The following SPART variants were observed in gnomAD, a reference collection of about 807,000 sequenced individuals.
SPART encodes the protein spastic paraplegia 20 (Troyer syndrome).
In SPART, 35 loss-of-function variants were observed where a neutral mutation model predicts 58.7. The observed-to-expected ratio is 0.60, with a 90% CI of 0.46 to 0.79. The LOEUF is 0.79. Among genes scored for constraint, SPART ranks in the 30% least tolerant of loss-of-function variants. The pLI is 0.00. For missense variants in SPART, 730 were observed against 786.1 expected, an observed-to-expected ratio of 0.93 and a Z score of 0.85; for synonymous variants, 284 against 280.7, an observed-to-expected ratio of 1.01 and a Z score of -0.12.
intron 5 of SPART, among the ~76,000 whole-genome samples, chr13:36,316,245 T>C (rs777654621): frequency 3.2e-4 from 49 of 152,196 alleles, no homozygotes; most frequent in Non-Finnish European, 6.3e-4. Context: ...TTTACTGAAC[T>C]AAAGAAAGCT....
chr13:36,303,729 T>C lies in SPART; in HGVS notation c.*636A>G, dbSNP rs1352038503. ...AGTCTCAATACAAAAGACGTAATAA[T>C]CTATTTTTATTTATTTTAAATCAAA... On this transcript the variant is annotated 3_prime_UTR_variant, in exon 9 of 9. Transcript: ENST00000438666. 1 of 153,148 alleles carries C rather than the reference T, an allele frequency of 6.5e-6. No homozygotes were observed. Among genetic ancestry groups the C allele is most frequent in the African/African-American group, 2.4e-5 (1 of 41,458 alleles). 9.5% of individuals were successfully genotyped at this position (153,148 alleles called of 1,614,324 possible).
In SPART at chr13:36,314,301, C is replaced by T. The variant is rs370905450; in HGVS notation, c.1409G>A (p.Ser470Asn). Reference sequence around the variant, plus strand: ...ATAAAGTCCCTTGGTGACAGCTGGACTAACTTCCACGGGTTTTTCTTCTGG... The same window carrying T: ...ATAAAGTCCCTTGGTGACAGCTGGATTAACTTCCACGGGTTTTTCTTCTGG... ...IQPEEKPVEV[S>N]PAVTKGLYIA... The change falls in exon 6 of 9, where the codon AGT becomes AAT. Residue 470 changes from serine (S) to asparagine (N), a missense_variant. Coordinates refer to ENST00000438666, the MANE Select transcript of SPART (RefSeq NM_015087.5). 1 of 1,614,042 alleles carries T rather than the reference C, an allele frequency of 6.2e-7. No individual in the cohort carries two copies. Among genetic ancestry groups the T allele is most frequent in the African/African-American group, 1.3e-5 (1 of 74,934 alleles).
At chr13:36,310,582 C>T (rs1487097156) in intron 8 of SPART, among the ~76,000 whole-genome samples, 3 of 152,166 alleles carry the variant, frequency 2.0e-5, no homozygotes, top group African/African-American at 7.2e-5. Flanking sequence ...AAACTTCTCT[C>T]TCCCCCATGC....
At chr13:36,368,789 C>A (rs1886165636) in intron 1 of SPART, among the ~76,000 whole-genome samples, 1 of 152,060 alleles carries the variant, frequency 6.6e-6, no homozygotes, top group Non-Finnish European at 1.5e-5. Context: ...TGTTCATGAT[C>A]TGGAGATCGA....
At chr13:36,322,183 C>CGT (rs1384088758) in intron 5 of SPART, among the ~76,000 whole-genome samples, 6 of 152,240 alleles carry the variant, frequency 3.9e-5, no homozygotes, top group Admixed American at 3.3e-4. Context: ...TTCACACGGA[C>CGT]GTGCATGAAA....
chr13:36,320,383 A>G (rs940048043), intron 5 of SPART, among the ~76,000 whole-genome samples: 16 of 151,672 alleles, frequency 1.1e-4, no homozygotes, highest in South Asian at 2.1e-4. Context: ...CATTTCCCCA[A>G]ATTTCCTTCT....
At position 36,312,560 on chromosome 13, in the gene SPART, A is replaced by G. The variant is rs1188779571; in HGVS notation, c.1484-83T>C. On this transcript the variant is annotated intron_variant, in intron 6 of 8. Coordinates refer to ENST00000438666, the MANE Select transcript of SPART (RefSeq NM_015087.5). ...ACCACTCATCTTGCAACATTCTTAA[A>G]TGAACATCTAAATTGTTTTACTATA... The G allele has an allele frequency of 6.0e-6, 8 of 1,336,190 alleles. No individual in the cohort carries two copies. The Admixed American group carries it at 1.2e-4, about 20-fold the overall frequency. 82.8% of individuals were successfully genotyped at this position (1,336,190 alleles called of 1,614,324 possible).
chr13:36,349,624 A>C (rs1375027930), upstream of SPART, among the ~76,000 whole-genome samples: 1 of 152,236 alleles, frequency 6.6e-6, no homozygotes, highest in Non-Finnish European at 1.5e-5. Flanking sequence ...GGTCCTTCCA[A>C]ATTCGATAAT....
At position 36,335,500 on chromosome 13, in the gene SPART, G is replaced by A; in HGVS notation, c.331C>T (p.Pro111Ser). The A allele has an allele frequency of 1.9e-6, 3 of 1,614,046 alleles. No individual in the cohort carries two copies. The highest frequency in any genetic ancestry group is 1.7e-6 in the Non-Finnish European group (2 of 1,180,014). Reference protein sequence around the residue: ...TSLQNDLQEVPKLYPEFPPKD... With the variant: ...TSLQNDLQEVSKLYPEFPPKD... ...GGTGGAAATTCTGGATATAACTTGG[G>A]CACCTCCTGAAGATCATTCTGCAGA... Residue 111 changes from proline (P) to serine (S), a missense_variant, in exon 2 of 9, where the codon CCC becomes TCC. Transcript: ENST00000438666.
chr13:36,306,975 T>G (rs894515688), intron 8 of SPART, among the ~76,000 whole-genome samples: 2 of 152,232 alleles, frequency 1.3e-5, no homozygotes. Flanking sequence ...TATTTATTTT[T>G]TAATATATCC....
At chr13:36,327,101 T>C (rs538076550) in intron 4 of SPART, among the ~76,000 whole-genome samples, 2 of 152,324 alleles carry the variant, frequency 1.3e-5, no homozygotes, top group South Asian at 4.1e-4. Context: ...GATGAATTCA[T>C]AAACTGGTTT....
Position 36,331,605 on chromosome 13 carries a change from A to T in SPART, c.811-9T>A. 6.2e-7 allele frequency: 1 copy of T among 1,603,238 alleles called. No homozygotes were observed. The highest frequency in any genetic ancestry group is 1.1e-5 in the South Asian group (1 of 90,136). On this transcript the variant is annotated splice_polypyrimidine_tract_variant and intron_variant, in intron 2 of 8. Coordinates refer to ENST00000438666, the MANE Select transcript of SPART (RefSeq NM_015087.5). ...TATAACCAGTCACAAACCTGAAAGG[A>T]TTCATTAGAAGAAAAAAAATATACA...
Position 36,302,740 on chromosome 13 carries a change from C to A in SPART, c.*1625G>T, listed in dbSNP as rs969561487. 1 of 152,122 alleles carries A rather than the reference C, an allele frequency of 6.6e-6. No homozygotes were observed. Among genetic ancestry groups the A allele is most frequent in the African/African-American group, 2.4e-5 (1 of 41,418 alleles). 9.4% of individuals were successfully genotyped at this position (152,122 alleles called of 1,614,324 possible). A position where few individuals can be genotyped will look rare whatever the true frequency, so the allele number is the denominator to read the frequency against. On this transcript the variant is annotated 3_prime_UTR_variant, in exon 9 of 9. Transcript: ENST00000438666. ...TTCAAGCATTCATTTGTGTTACAAA[C>A]GTCCCAATTACACTCTTTTATTTTT...
chr13:36,308,747 T>C (rs1400865649), intron 8 of SPART, among the ~76,000 whole-genome samples: 1 of 152,144 alleles, frequency 6.6e-6, no homozygotes, highest in Non-Finnish European at 1.5e-5. Flanking sequence ...AAGGCATTTC[T>C]GAATTTCTCC....
intron 1 of SPART, among the ~76,000 whole-genome samples, chr13:36,338,731 G>A (rs1449716601): frequency 6.6e-6 from 1 of 152,174 alleles, no homozygotes; most frequent in Admixed American, 6.5e-5. Flanking sequence ...GAGACCCACA[G>A]CCTTCTTCCC....
Position 36,331,567 on chromosome 13 carries a change from A to G in SPART, c.840T>C (p.Pro280=), listed in dbSNP as rs1445703807. 6.2e-7 allele frequency: 1 copy of G among 1,614,000 alleles called. No homozygotes were observed. The highest frequency in any genetic ancestry group is 8.5e-7 in the Non-Finnish European group (1 of 1,179,988). ...TACATTTCAGAACCGGAGATCTATC[A>G]GGAACTAGAGGATATAACCAGTCAC... ...QVCDWLYPLV[P]DRSPVLKCTA... is the part of the protein sequence containing the mutation. Residue 280 remains proline, a synonymous_variant, in exon 3 of 9, where the codon CCT becomes CCC. Transcript: ENST00000438666.
chr13:36,359,165 T>C (rs186487454), intron 1 of SPART, among the ~76,000 whole-genome samples: 62 of 152,360 alleles, frequency 4.1e-4, no homozygotes, highest in Admixed American at 2.2e-3. Context: ...AACATTTTGT[T>C]GAATACCGTA....
At chr13:36,319,060 C>T (rs1204106282) in intron 5 of SPART, among the ~76,000 whole-genome samples, 3 of 152,066 alleles carry the variant, frequency 2.0e-5, no homozygotes, top group African/African-American at 7.2e-5. Flanking sequence ...TTTCAAGGGC[C>T]TGTTTCCCTT....
chr13:36,338,984 G>GAC (rs948239673), intron 1 of SPART, among the ~76,000 whole-genome samples: 3 of 151,458 alleles, frequency 2.0e-5, no homozygotes, highest in African/African-American at 7.3e-5. Context: ...CTCACACACA[G>GAC]ACACACACAC....
Sources: gnomAD v4.1 joint callset for allele counts (sites outside exome capture counted in the v4.1 genomes callset) on GRCh38, gnomAD v4.1.1 for gene constraint, MANE v1.5 for transcripts, NCBI Gene and HGNC (gene_info 2026-07-23, HGNC 2026-07-21) for gene names.